The following ENOX1 variants were observed in gnomAD, a reference collection of about 807,000 sequenced individuals.
The protein encoded by ENOX1 is ecto-NOX disulfide-thiol exchanger 1.
A neutral mutation model predicts 82.5 loss-of-function variants in ENOX1; 42 were observed. That is an observed-to-expected ratio of 0.51 (90% CI 0.40 to 0.66). The LOEUF (loss-of-function observed/expected upper bound fraction) is 0.66. Among genes scored for constraint, ENOX1 ranks in the 30% least tolerant of loss-of-function variants. The pLI is 0.00. For synonymous variants in ENOX1, 271 were observed against 282.2 expected (o/e 0.96, Z 0.40); for missense variants, 608 against 811.6 (o/e 0.75, Z 3.05).
intron 1 of ENOX1, among the ~76,000 whole-genome samples, chr13:43,727,135 C>T (rs556344970): frequency 1.3e-5 from 2 of 152,292 alleles, no homozygotes; most frequent in Admixed American, 1.3e-4. Context: ...AGCTCTTTCA[C>T]GGGGCACTTC....
At chr13:43,508,925 T>C (rs1041957530) in intron 2 of ENOX1, among the ~76,000 whole-genome samples, 3 of 152,034 alleles carry the variant, frequency 2.0e-5, no homozygotes, top group African/African-American at 7.2e-5. Flanking sequence ...AAAGCATATA[T>C]ATGCATTTAT....
chr13:43,284,923 G>A (rs1047963973), intron 12 of ENOX1, among the ~76,000 whole-genome samples: 2 of 151,976 alleles, frequency 1.3e-5, no homozygotes, highest in African/African-American at 4.8e-5. Flanking sequence ...AGAGGAGATA[G>A]AAATATGTAG....
intron 1 of ENOX1, among the ~76,000 whole-genome samples, chr13:43,673,186 T>C (rs1212281434): frequency 1.3e-5 from 2 of 151,808 alleles, no homozygotes; most frequent in Non-Finnish European, 2.9e-5. Context: ...TATATATATA[T>C]ATATATACAT....
At chr13:43,746,252 AT>A (rs1368188169) in intron 1 of ENOX1, among the ~76,000 whole-genome samples, 1 of 152,076 alleles carries the variant, frequency 6.6e-6, no homozygotes, top group Non-Finnish European at 1.5e-5. Flanking sequence ...GGAGATTTAT[AT>A]TTTTTATATT....
At chr13:43,717,077 T>C (rs2088193638) in intron 1 of ENOX1, among the ~76,000 whole-genome samples, 1 of 152,112 alleles carries the variant, frequency 6.6e-6, no homozygotes, top group South Asian at 2.1e-4. Context: ...AAAGCCTGAA[T>C]AGCCAAAGCA....
At chr13:43,236,771 GT>G in intron 14 of ENOX1, 33 bp from the exon 15 acceptor site, 1 of 1,319,706 alleles carries the variant, frequency 7.6e-7, no homozygotes, top group Non-Finnish European at 1.0e-6. Context: ...CCATATATGG[GT>G]TTATGTAGAT....
Position 43,711,586 on chromosome 13 carries a change from T to C in ENOX1, c.-284-44042A>G, listed in dbSNP as rs1245845505. Among the ~76,000 whole-genome samples the C allele has an allele frequency of 4.6e-5, 7 of 152,124 alleles. No individual in the cohort carries two copies. In the East Asian group the frequency reaches 9.7e-4, roughly 21 times the overall value. On this transcript the variant is annotated intron_variant, in intron 1 of 16. Coordinates refer to ENST00000690772, the MANE Select transcript of ENOX1 (RefSeq NM_001347969.2). ...TCCACATCCTCTCCAGCACCTGTTG[T>C]TTCCTGACTTTTTAATGATTGCCAT...
At chr13:43,367,596 T>C (rs1263501132) in intron 5 of ENOX1, among the ~76,000 whole-genome samples, 1 of 152,116 alleles carries the variant, frequency 6.6e-6, no homozygotes, top group African/African-American at 2.4e-5. Context: ...GATCCTTCAG[T>C]GAGAACAAGG....
At chr13:43,555,572 G>A (rs2079397047) in intron 2 of ENOX1, among the ~76,000 whole-genome samples, 1 of 152,204 alleles carries the variant, frequency 6.6e-6, no homozygotes, top group African/African-American at 2.4e-5. Flanking sequence ...GAAGCTATTA[G>A]CAGGATCAAT....
chr13:43,358,790 C>A (rs1003609747), intron 7 of ENOX1, among the ~76,000 whole-genome samples: 1 of 152,190 alleles, frequency 6.6e-6, no homozygotes, highest in Non-Finnish European at 1.5e-5. Context: ...CCAGAACCCC[C>A]GTTGTCTAAC....
chr13:43,567,010 C>G (rs1239427061), intron 2 of ENOX1, among the ~76,000 whole-genome samples: 1 of 152,082 alleles, frequency 6.6e-6, no homozygotes, highest in Non-Finnish European at 1.5e-5. Context: ...GAGGAAGAGA[C>G]AGCCAACAGA....
At chr13:43,346,802 C>T (rs1216881564) in intron 8 of ENOX1, among the ~76,000 whole-genome samples, 2 of 152,148 alleles carry the variant, frequency 1.3e-5, no homozygotes, top group Non-Finnish European at 2.9e-5. Flanking sequence ...CCTCTCTTCC[C>T]ACCAATATAT....
intron 14 of ENOX1, among the ~76,000 whole-genome samples, chr13:43,261,386 C>T (rs989204916): frequency 2.6e-5 from 4 of 152,198 alleles, no homozygotes; most frequent in African/African-American, 9.7e-5. Context: ...AGCTCCCTGT[C>T]AGACTCCACC....
chr13:43,262,233 T>C (rs2153476841), intron 14 of ENOX1, among the ~76,000 whole-genome samples: 1 of 152,262 alleles, frequency 6.6e-6, no homozygotes, highest in Admixed American at 6.5e-5. Context: ...TATTCTTTTC[T>C]TTCTATAATT....
chr13:43,371,204 T>A (rs2051219549), intron 5 of ENOX1, among the ~76,000 whole-genome samples: 2 of 152,316 alleles, frequency 1.3e-5, no homozygotes, highest in South Asian at 4.1e-4. Context: ...CTGACAAGCT[T>A]ATGGTGCGGG....
intron 3 of ENOX1, among the ~76,000 whole-genome samples, chr13:43,415,791 G>T (rs1201196274): frequency 6.6e-6 from 1 of 152,022 alleles, no homozygotes; most frequent in East Asian, 1.9e-4. Context: ...CCTCCCAGAT[G>T]GGGCGGCCGG....
At chr13:43,439,198 C>T (rs2153620723) in intron 3 of ENOX1, among the ~76,000 whole-genome samples, 1 of 151,140 alleles carries the variant, frequency 6.6e-6, no homozygotes, top group Non-Finnish European at 1.5e-5. Context: ...TACAGGCACC[C>T]GTGGGTCACA....
chr13:43,735,171 C>G (rs2089557439), intron 1 of ENOX1, among the ~76,000 whole-genome samples: 1 of 152,122 alleles, frequency 6.6e-6, no homozygotes, highest in Admixed American at 6.5e-5. Context: ...ATAAAATCCC[C>G]AAATACTCAA....
At chr13:43,297,286 A>G (rs577271240) in intron 12 of ENOX1, among the ~76,000 whole-genome samples, 5 of 152,282 alleles carry the variant, frequency 3.3e-5, no homozygotes, top group African/African-American at 1.2e-4. Flanking sequence ...TCTAATCACT[A>G]AGATACTTCT....
Sources: allele counts gnomAD v4.1 joint callset (sites outside exome capture counted in the v4.1 genomes callset), GRCh38; gene constraint gnomAD v4.1.1; transcripts MANE v1.5; gene names NCBI Gene and HGNC (gene_info 2026-07-23, HGNC 2026-07-21).